The following RBM19 variants were observed in gnomAD, a reference collection of about 807,000 sequenced individuals.
The protein encoded by RBM19 is RNA binding motif protein 19, also known as probable RNA-binding protein 19.
Under a neutral mutation model 116.8 loss-of-function variants are expected in RBM19, and 94 were observed. The ratio of observed to expected loss-of-function variants is 0.80; its 90% CI spans 0.68 to 0.95. The LOEUF (loss-of-function observed/expected upper bound fraction) is 0.95, where lower values mean the gene tolerates loss of function less well. RBM19 is among the 40% of genes least tolerant of loss of function. RBM19 has a pLI of 0.00. For synonymous variants in RBM19, 475 were observed against 494.1 expected (o/e 0.96, Z 0.51); for missense variants, 1,161 against 1,220.7 (o/e 0.95, Z 0.73).
At chr12:113,893,546 C>A (rs924957683) in intron 21 of RBM19, among the ~76,000 whole-genome samples, 1 of 152,154 alleles carries the variant, frequency 6.6e-6, no homozygotes, top group Non-Finnish European at 1.5e-5. Flanking sequence ...TTTAGCCCGC[C>A]CTGTCTCACT....
chr12:113,949,394 G>C (rs1871300250), intron 9 of RBM19, among the ~76,000 whole-genome samples: 1 of 152,180 alleles, frequency 6.6e-6, no homozygotes, highest in Admixed American at 6.5e-5. Context: ...GTACTTACCT[G>C]CTGATGATTT....
Position 113,918,476 on chromosome 12 carries a change from C to G in RBM19, c.2386-29G>C, listed in dbSNP as rs575550962. The G allele has an allele frequency of 4.9e-5, 79 of 1,612,456 alleles. No homozygotes were observed. In the East Asian group the frequency reaches 8.9e-4, roughly 18 times the overall value. On this transcript the variant is annotated intron_variant, in intron 19 of 23. Coordinates refer to ENST00000261741, the MANE Select transcript of RBM19 (RefSeq NM_016196.4). ...AGAGAGAAGACAACATGGCTCATCT[C>G]TCTGTCCCGAGAAATACTCACCCGA...
intron 16 of RBM19, among the ~76,000 whole-genome samples, chr12:113,930,874 A>G (rs1011045847): frequency 6.6e-6 from 1 of 152,172 alleles, no homozygotes; most frequent in Non-Finnish European, 1.5e-5. Flanking sequence ...GGGCAGGCCC[A>G]GTCCCAGCCC....
intron 21 of RBM19, among the ~76,000 whole-genome samples, chr12:113,901,463 G>A (rs1230961648): frequency 6.6e-6 from 1 of 152,084 alleles, no homozygotes; most frequent in African/African-American, 2.4e-5. Context: ...TAGAGAGTAA[G>A]CCTGGCCTCT....
intron 8 of RBM19, among the ~76,000 whole-genome samples, chr12:113,952,160 C>CA (rs78560391): frequency 0.088 from 13,343 of 152,266 alleles, 678 homozygotes; most frequent in East Asian, 0.17. Flanking sequence ...CTCAGCAACT[C>CA]AGAGCCCTGC....
chr12:113,932,350 T>G (rs60283701), intron 16 of RBM19, among the ~76,000 whole-genome samples: 3,509 of 152,314 alleles, frequency 0.023, 135 homozygotes, highest in African/African-American at 0.08. Flanking sequence ...TCGTTCTTAA[T>G]ATTACCCTTG....
Position 113,823,215 on chromosome 12 carries a change from G to A in RBM19, c.*9C>T, listed in dbSNP as rs759837749. 120 of 1,607,212 alleles carry A rather than the reference G, an allele frequency of 7.5e-5. No individual in the cohort carries two copies. The highest frequency in any genetic ancestry group is 9.1e-5 in the Non-Finnish European group (107 of 1,179,456). ...GGGCCCCGGAGCCACACACCCTCTC[G>A]GTGCCAGCTCACAGCTGAAGGGTCT... On this transcript the variant is annotated 3_prime_UTR_variant, in exon 24 of 24. Coordinates refer to ENST00000261741, the MANE Select transcript of RBM19 (RefSeq NM_016196.4).
In RBM19 at chr12:113,823,228, A is replaced by G. The variant is rs1874566451; in HGVS notation, c.2879T>C (p.Leu960Pro). 6.2e-7 allele frequency: 1 copy of G among 1,610,106 alleles called. No individual in the cohort carries two copies. Among genetic ancestry groups the G allele is most frequent in the East Asian group, 2.2e-5 (1 of 44,870 alleles). Residue 960 changes from leucine (L) to proline (P), a missense_variant, in exon 24 of 24, where the codon CTG (leucine) becomes CCG (proline). Coordinates refer to ENST00000261741, the MANE Select transcript of RBM19 (RefSeq NM_016196.4). ...DSDSEEQTLQ[L>P] ...ACACACCCTCTCGGTGCCAGCTCAC[A>G]GCTGAAGGGTCTGCTCCTCGCTGTC...
chr12:113,899,899 A>T (rs1881574033), intron 21 of RBM19, among the ~76,000 whole-genome samples: 1 of 152,156 alleles, frequency 6.6e-6, no homozygotes. Context: ...CAGACAAAGC[A>T]CAGAGACCTT....
chr12:113,941,198 G>A (rs1870539644), intron 14 of RBM19, among the ~76,000 whole-genome samples: 1 of 152,164 alleles, frequency 6.6e-6, no homozygotes, highest in Admixed American at 6.5e-5. Context: ...GGCCACACAA[G>A]GTTACTATGA....
intron 21 of RBM19, among the ~76,000 whole-genome samples, chr12:113,884,593 C>T (rs938360559): frequency 6.6e-6 from 1 of 152,164 alleles, no homozygotes; most frequent in African/African-American, 2.4e-5. Context: ...CAAGGAGACC[C>T]TGTAGCCATG....
rs564786746 is a variant in RBM19, at chr12:113,965,675, T to C, written c.36+517A>G. 4.6e-5 allele frequency among the ~76,000 whole-genome samples: 7 copies of C among 152,274 alleles called. No individual in the cohort carries two copies. In the South Asian group the frequency reaches 1.5e-3, roughly 32 times the overall value. On this transcript the variant is annotated intron_variant, in intron 1 of 23. Coordinates refer to ENST00000261741, the MANE Select transcript of RBM19 (RefSeq NM_016196.4). ...TGGGCTCCAGGGAAACAAAAAAGTA[T>C]GGCTGGGTCACCACTCCCCACTTAC...
In RBM19 at chr12:113,950,105, C is replaced by G; in HGVS notation, c.1050G>C (p.Leu350=). 2 of 1,611,064 alleles carry G rather than the reference C, an allele frequency of 1.2e-6. No homozygotes were observed. Among genetic ancestry groups the G allele is most frequent in the Non-Finnish European group, 1.7e-6 (2 of 1,177,340 alleles). Residue 350 remains leucine (L), a synonymous_variant, in exon 9 of 24, where the codon CTG becomes CTC. Transcript: ENST00000261741. ...TACCCATGTACTCCCGGTTGCATTT[C>G]AGAGCTTGCTTCACTTCCTCTTCAT... The part of the protein sequence containing the change: ...FSNEEEVKQA[L]KCNREYMGGR...
chr12:113,896,820 T>C (rs1881366142), intron 21 of RBM19, among the ~76,000 whole-genome samples: 1 of 152,222 alleles, frequency 6.6e-6, no homozygotes, highest in Admixed American at 6.5e-5. Flanking sequence ...CTCCTATTTA[T>C]TGAGTGCTGA....
intron 21 of RBM19, among the ~76,000 whole-genome samples, chr12:113,870,967 G>C (rs1463121634): frequency 1.3e-5 from 2 of 152,180 alleles, no homozygotes; most frequent in Non-Finnish European, 2.9e-5. Flanking sequence ...CCCTCCAATG[G>C]CAGCAGGAGG....
At chr12:113,930,374 G>C (rs989745671) in intron 16 of RBM19, among the ~76,000 whole-genome samples, 1 of 152,212 alleles carries the variant, frequency 6.6e-6, no homozygotes, top group African/African-American at 2.4e-5. Flanking sequence ...GCAGTGGCTG[G>C]TGTGCTGCAA....
intron 19 of RBM19, among the ~76,000 whole-genome samples, chr12:113,919,489 T>C: frequency 6.6e-6 from 1 of 152,154 alleles, no homozygotes; most frequent in Admixed American, 6.5e-5. Context: ...GAGAATGGCG[T>C]GAACCTGGGA....
intron 12 of RBM19, among the ~76,000 whole-genome samples, chr12:113,946,150 T>A (rs748311948): frequency 1.3e-5 from 2 of 152,184 alleles, no homozygotes; most frequent in Non-Finnish European, 1.5e-5. Context: ...GAACTTCACA[T>A]ACATTCACTC....
rs138283721 is a variant in RBM19, at chr12:113,868,607, T to C, written c.2559-9711A>G. Among the ~76,000 whole-genome samples the C allele has an allele frequency of 1.0e-3, 154 of 152,254 alleles. 1 individual carries two copies. The highest frequency in any genetic ancestry group is 3.4e-3 in the African/African-American group (140 of 41,550). On this transcript the variant is annotated intron_variant, in intron 21 of 23. Transcript: ENST00000261741. The stretch of plus-strand genomic sequence containing the variant: ...GATTTCTCTGGGAAAGGAAAAGACA[T>C]AGTGTTTCTCAAACTCCCAAACAAG...
Sources: allele counts gnomAD v4.1 joint callset (sites outside exome capture counted in the v4.1 genomes callset), GRCh38; gene constraint gnomAD v4.1.1; transcripts MANE v1.5; gene names NCBI Gene and HGNC (gene_info 2026-07-23, HGNC 2026-07-21).